The following SAMHD1 variants were observed in gnomAD, a reference collection of about 807,000 sequenced individuals.
SAMHD1 encodes the protein SAM and HD domain containing deoxynucleoside triphosphate triphosphohydrolase 1, also known as deoxynucleoside triphosphate triphosphohydrolase SAMHD1.
Under a neutral mutation model 79.6 loss-of-function variants are expected in SAMHD1, and 54 were observed. The ratio of observed to expected loss-of-function variants is 0.68; its 90% CI spans 0.55 to 0.85. The LOEUF is 0.85. Ranked by LOEUF, SAMHD1 falls within the 40% of genes least tolerant of loss-of-function variation. SAMHD1 has a pLI of 0.00. For missense variants in SAMHD1, 663 were observed against 782.7 expected, an observed-to-expected ratio of 0.85 and a Z score of 1.82; for synonymous variants, 260 against 264.1, an observed-to-expected ratio of 0.98 and a Z score of 0.15.
In SAMHD1 at chr20:36,941,126, G is replaced by C. The variant is rs1467947883; in HGVS notation, c.276-15C>G. 1.3e-6 allele frequency: 2 copies of C among 1,556,928 alleles called. No individual in the cohort carries two copies. Among genetic ancestry groups the C allele is most frequent in the Admixed American group, 3.3e-5 (2 of 59,922 alleles). On this transcript the variant is annotated splice_polypyrimidine_tract_variant and intron_variant, in intron 2 of 15. Transcript: ENST00000646673. ...CCCCCAAGGAACTAAAATTACAATA[G>C]GATAAGCAAGTCTATCATTATTTGC...
chr20:36,933,320 G>C (rs754914125), intron 4 of SAMHD1, among the ~76,000 whole-genome samples: 1 of 152,136 alleles, frequency 6.6e-6, no homozygotes, highest in Non-Finnish European at 1.5e-5. Context: ...ATGTAACAGA[G>C]GCATCGCCTT....
chr20:36,946,555 G>A lies in SAMHD1; in HGVS notation c.275+183C>T, dbSNP rs1600394380. 8 of 560,480 alleles carry A rather than the reference G, an allele frequency of 1.4e-5. No individual in the cohort carries two copies. The East Asian group carries it at 2.5e-4, about 18-fold the overall frequency. The allele number at this position is 560,480 out of a possible 1,614,324, so 34.7% of individuals were successfully genotyped here. On this transcript the variant is annotated intron_variant, in intron 2 of 15. Coordinates refer to ENST00000646673, the MANE Select transcript of SAMHD1 (RefSeq NM_015474.4). ...TGAGCCGAGATACTCCAGCCTGGGT[G>A]AACAAGAGACTATCTCAAAAAACAA... is the stretch of plus-strand genomic sequence containing the variant.
intron 10 of SAMHD1, chr20:36,911,663 T>C (rs927593542): frequency 4.0e-6 from 1 of 247,632 alleles, no homozygotes; most frequent in Non-Finnish European, 8.0e-6. Context: ...GTGCCAGGCT[T>C]TGAAACTAGA....
At chr20:36,943,935 G>A (rs909811090) in intron 2 of SAMHD1, among the ~76,000 whole-genome samples, 6 of 151,554 alleles carry the variant, frequency 4.0e-5, no homozygotes, top group Admixed American at 3.3e-4. Context: ...AAAATTAGCC[G>A]GGCATGGTGG....
intron 4 of SAMHD1, among the ~76,000 whole-genome samples, chr20:36,931,651 C>A (rs989976244): frequency 1.5e-4 from 22 of 151,138 alleles, no homozygotes; most frequent in African/African-American, 4.6e-4. Flanking sequence ...ACCCTCCCCC[C>A]AAAAAAAGAA....
chr20:36,931,967 G>A (rs887168839), intron 4 of SAMHD1, among the ~76,000 whole-genome samples: 1 of 151,992 alleles, frequency 6.6e-6, no homozygotes, highest in Admixed American at 6.6e-5. Context: ...GAGGTACCTA[G>A]AGTAGCCAAA....
At chr20:36,933,635 C>T (rs1036550059) in intron 4 of SAMHD1, among the ~76,000 whole-genome samples, 3 of 151,908 alleles carry the variant, frequency 2.0e-5, no homozygotes, top group South Asian at 2.1e-4. Context: ...GTAGCTGCAG[C>T]GTGCGCCACC....
intron 12 of SAMHD1, 77 bp downstream of exon 12, chr20:36,905,287 T>C (rs1368560322): frequency 2.8e-6 from 4 of 1,442,024 alleles, no homozygotes; most frequent in Non-Finnish European, 3.9e-6. Flanking sequence ...AGAGTCATAG[T>C]ATCACGATAG....
In SAMHD1 at chr20:36,925,379, C is replaced by T. The variant is rs116595635; in HGVS notation, c.696+1803G>A. 3.5e-3 allele frequency among the ~76,000 whole-genome samples: 532 copies of T among 152,304 alleles called. 4 individuals carry two copies. The highest frequency in any genetic ancestry group is 0.012 in the African/African-American group (515 of 41,566). On this transcript the variant is annotated intron_variant, in intron 6 of 15. Coordinates refer to ENST00000646673, the MANE Select transcript of SAMHD1 (RefSeq NM_015474.4). Reference sequence around the variant, plus strand: ...AGACCAAAACCAAGTGGATGTTAGACCTCAATACTTAGAAGGGAGAGGTGC... The same window carrying T: ...AGACCAAAACCAAGTGGATGTTAGATCTCAATACTTAGAAGGGAGAGGTGC...
intron 10 of SAMHD1, 171 bp from the exon 11 acceptor site, chr20:36,911,504 C>A (rs1335071240): frequency 3.3e-6 from 2 of 615,178 alleles, no homozygotes; most frequent in Non-Finnish European, 5.8e-6. Context: ...CTGTGAGCTG[C>A]CATGCTTACT....
chr20:36,929,996 G>A (rs888209984), intron 5 of SAMHD1, among the ~76,000 whole-genome samples: 17 of 151,466 alleles, frequency 1.1e-4, no homozygotes, highest in South Asian at 1.0e-3. Flanking sequence ...GAGGAGAGGC[G>A]GGAGGATAGC....
intron 3 of SAMHD1, among the ~76,000 whole-genome samples, chr20:36,936,416 G>T (rs2063603967): frequency 6.6e-6 from 1 of 151,948 alleles, no homozygotes; most frequent in Non-Finnish European, 1.5e-5. Context: ...AAACTCCTAG[G>T]CTCCAGGGAT....
rs1002058317 is a variant in SAMHD1 at position 36,912,675 on chromosome 20, T to C, written c.1063-123A>G. 3.1e-5 allele frequency: 22 copies of C among 715,040 alleles called. No homozygotes were observed. The Admixed American group carries it at 3.3e-4, about 11-fold the overall frequency. 44.3% of individuals were successfully genotyped at this position (715,040 alleles called of 1,614,324 possible). On this transcript the variant is annotated intron_variant, in intron 9 of 15. Coordinates refer to ENST00000646673, the MANE Select transcript of SAMHD1 (RefSeq NM_015474.4). ...GACAAGAGGGCTATGCACCGGGGCT[T>C]CTTCATTAACACCTTTGACCCCACT... is the stretch of plus-strand genomic sequence containing the variant.
At chr20:36,894,128 T>C in intron 15 of SAMHD1, 2 of 395,366 alleles carry the variant, frequency 5.1e-6, no homozygotes, top group Non-Finnish European at 8.9e-6. Context: ...TCCTCTATGC[T>C]CATTTAGCTC....
At chr20:36,911,493 G>A (rs1487132237) in intron 10 of SAMHD1, 160 bp from the exon 11 acceptor site, 3 of 627,570 alleles carry the variant, frequency 4.8e-6, no homozygotes, top group African/African-American at 1.8e-5. Flanking sequence ...TGCTTGGTAA[G>A]CTGTGAGCTG....
rs760599812 is a variant in SAMHD1 at position 36,898,477 on chromosome 20, G to C, written c.1571C>G (p.Thr524Ser). The C allele has an allele frequency of 6.2e-7, 1 of 1,613,998 alleles. No homozygotes were observed. The highest frequency in any genetic ancestry group is 1.1e-5 in the South Asian group (1 of 91,080). ...AATCCTGATTGCTCTGTTGGGGGCAGTCTTACAATAGAAGCTAACATGATC... is the reference window on the plus strand; with the variant it reads ...AATCCTGATTGCTCTGTTGGGGGCACTCTTACAATAGAAGCTAACATGATC... Reference protein sequence around the residue: ...PIDHVSFYCKTAPNRAIRITK... With the variant: ...PIDHVSFYCKSAPNRAIRITK... The change falls in exon 14 of 16, where the codon ACT becomes AGT. Residue 524 changes from threonine (T) to serine (S), a missense_variant. Transcript: ENST00000646673.
intron 11 of SAMHD1, 27 bp from the exon 12 acceptor site, chr20:36,905,530 T>C (rs767292687): frequency 1.9e-6 from 3 of 1,561,308 alleles, no homozygotes; most frequent in Admixed American, 1.7e-5. Flanking sequence ...ATTTCAGTTA[T>C]ATTAAAATAA....
intron 6 of SAMHD1, among the ~76,000 whole-genome samples, chr20:36,921,308 G>C (rs186210492): frequency 3.6e-5 from 5 of 140,246 alleles, no homozygotes; most frequent in Non-Finnish European, 6.0e-5. Flanking sequence ...CAGGAGAAAC[G>C]CTTGAACTCG....
chr20:36,926,559 T>C (rs192972487), intron 6 of SAMHD1, among the ~76,000 whole-genome samples: 2 of 152,146 alleles, frequency 1.3e-5, no homozygotes, highest in East Asian at 3.9e-4. Context: ...CTGGACAACT[T>C]ATTGTATGTG....
Sources: gnomAD v4.1 joint callset for allele counts (sites outside exome capture counted in the v4.1 genomes callset) on GRCh38, gnomAD v4.1.1 for gene constraint, MANE v1.5 for transcripts, NCBI Gene and HGNC (gene_info 2026-07-23, HGNC 2026-07-21) for gene names.